MDGA2: variants seen among roughly 807,000 people sequenced by gnomAD.
MDGA2 encodes the protein MAM domain-containing glycosylphosphatidylinositol anchor protein 2.
MDGA2 carries 40 observed loss-of-function variants against 117.8 expected under a neutral mutation model. That is an observed-to-expected ratio of 0.34 (90% CI 0.26 to 0.44). The LOEUF (loss-of-function observed/expected upper bound fraction) is 0.44. Among genes scored for constraint, MDGA2 ranks in the 20% least tolerant of loss-of-function variants. The probability of loss-of-function intolerance (pLI) is 1.00; values close to 1 mark genes in which losing one functional copy is unlikely to be tolerated. For missense variants in MDGA2, 1,123 were observed against 1,250.6 expected, an observed-to-expected ratio of 0.90 and a Z score of 1.54; for synonymous variants, 452 against 439.0, an observed-to-expected ratio of 1.03 and a Z score of -0.37.
chr14:47,086,271 G>A (rs912083221), intron 6 of MDGA2, among the ~76,000 whole-genome samples: 2 of 151,808 alleles, frequency 1.3e-5, no homozygotes, highest in Non-Finnish European at 2.9e-5. Context: ...AAGAAGAAGA[G>A]AAGATTCTTT....
intron 15 of MDGA2, among the ~76,000 whole-genome samples, chr14:46,848,363 C>T (rs138163336): frequency 2.0e-5 from 3 of 151,996 alleles, no homozygotes; most frequent in Non-Finnish European, 4.4e-5. Flanking sequence ...CTTGTTACTT[C>T]CAGATGGGAG....
At chr14:47,168,956 T>C (rs1295579580) in intron 3 of MDGA2, among the ~76,000 whole-genome samples, 1 of 152,084 alleles carries the variant, frequency 6.6e-6, no homozygotes, top group Non-Finnish European at 1.5e-5. Context: ...AACATGAGAC[T>C]TTAAATAGTA....
chr14:47,627,561 G>A (rs1897170406), intron 1 of MDGA2, among the ~76,000 whole-genome samples: 1 of 152,172 alleles, frequency 6.6e-6, no homozygotes, highest in South Asian at 2.1e-4. Flanking sequence ...TTTGTGCCTA[G>A]CTCAGGGATT....
At chr14:47,110,869 T>A (rs1031716063) in intron 5 of MDGA2, among the ~76,000 whole-genome samples, 13 of 152,144 alleles carry the variant, frequency 8.5e-5, no homozygotes, top group Admixed American at 2.0e-4. Context: ...AGATTAAAAA[T>A]CACATCAGGG....
chr14:47,368,125 C>CA (rs1009579713), intron 1 of MDGA2, among the ~76,000 whole-genome samples: 14 of 151,228 alleles, frequency 9.3e-5, no homozygotes, highest in African/African-American at 3.2e-4. Context: ...ACTAAAAATA[C>CA]AAAAAAATTA....
intron 15 of MDGA2, among the ~76,000 whole-genome samples, chr14:46,849,709 A>C (rs1243369076): frequency 6.6e-6 from 1 of 151,968 alleles, no homozygotes; most frequent in African/African-American, 2.4e-5. Flanking sequence ...ACAACAAAAA[A>C]TCTTAATTAT....
chr14:47,440,351 G>T (rs758327528), intron 1 of MDGA2, among the ~76,000 whole-genome samples: 19 of 152,114 alleles, frequency 1.2e-4, no homozygotes, highest in Non-Finnish European at 2.4e-4. Flanking sequence ...CTATGTCCAT[G>T]GGACTTTGTT....
At chr14:47,304,995 C>G (rs1889397257) in intron 1 of MDGA2, among the ~76,000 whole-genome samples, 1 of 152,096 alleles carries the variant, frequency 6.6e-6, no homozygotes, top group Non-Finnish European at 1.5e-5. Context: ...TCCTTTCTCT[C>G]CACATTCAAA....
At chr14:46,894,661 T>C (rs775459910) in intron 10 of MDGA2, among the ~76,000 whole-genome samples, 1 of 152,170 alleles carries the variant, frequency 6.6e-6, no homozygotes, top group Non-Finnish European at 1.5e-5. Context: ...GTTACATAAA[T>C]CATTAAATGA....
At chr14:47,041,461 C>G (rs1313841309) in intron 7 of MDGA2, among the ~76,000 whole-genome samples, 1 of 151,946 alleles carries the variant, frequency 6.6e-6, no homozygotes. Context: ...AAAGTCACTC[C>G]TAATAAAAAT....
intron 1 of MDGA2, among the ~76,000 whole-genome samples, chr14:47,532,779 T>G (rs1180798716): frequency 6.6e-6 from 1 of 152,230 alleles, no homozygotes; most frequent in African/African-American, 2.4e-5. Flanking sequence ...AAGGGAATAA[T>G]TAGCTCAAGC....
chr14:46,978,571 G>C (rs577811790), intron 8 of MDGA2, among the ~76,000 whole-genome samples: 28 of 152,102 alleles, frequency 1.8e-4, no homozygotes, highest in African/African-American at 5.5e-4. Flanking sequence ...GAGAGAAGAA[G>C]CAATGCACTT....
chr14:47,390,237 C>A (rs756792720), intron 1 of MDGA2, among the ~76,000 whole-genome samples: 11 of 152,272 alleles, frequency 7.2e-5, no homozygotes, highest in Non-Finnish European at 1.2e-4. Context: ...TCACTTCTTC[C>A]TCTTCTCTTT....
intron 14 of MDGA2, among the ~76,000 whole-genome samples, chr14:46,860,798 T>G (rs1334638199): frequency 1.3e-5 from 2 of 152,012 alleles, no homozygotes; most frequent in African/African-American, 4.8e-5. Context: ...TCCACTGTTC[T>G]CTTATATTCT....
At chr14:47,206,258 G>T (rs893997958) in intron 3 of MDGA2, among the ~76,000 whole-genome samples, 2 of 151,994 alleles carry the variant, frequency 1.3e-5, no homozygotes, top group Non-Finnish European at 2.9e-5. Context: ...TAAGCAGTAA[G>T]TTATCATTGA....
intron 1 of MDGA2, among the ~76,000 whole-genome samples, chr14:47,554,042 T>C (rs1240285298): frequency 6.6e-6 from 1 of 152,214 alleles, no homozygotes; most frequent in Non-Finnish European, 1.5e-5. Flanking sequence ...TCCATTTTCT[T>C]TCAATGAATG....
intron 2 of MDGA2, among the ~76,000 whole-genome samples, chr14:47,268,723 T>C (rs1367718719): frequency 6.6e-6 from 1 of 152,190 alleles, no homozygotes; most frequent in Non-Finnish European, 1.5e-5. Context: ...TGCACAGTTA[T>C]GTCTACCCTG....
intron 1 of MDGA2, among the ~76,000 whole-genome samples, chr14:47,432,053 A>G (rs1209193541): frequency 6.6e-6 from 1 of 152,056 alleles, no homozygotes; most frequent in Non-Finnish European, 1.5e-5. Flanking sequence ...TAAATGACCA[A>G]CTCTTGAAAG....
At chr14:47,611,267 A>G (rs748306751) in intron 1 of MDGA2, among the ~76,000 whole-genome samples, 3 of 152,114 alleles carry the variant, frequency 2.0e-5, no homozygotes, top group Admixed American at 1.3e-4. Flanking sequence ...AGAAAATTAC[A>G]TTGGAAAAAC....
Sources: gnomAD v4.1 joint callset for allele counts (sites outside exome capture counted in the v4.1 genomes callset) on GRCh38, gnomAD v4.1.1 for gene constraint, MANE v1.5 for transcripts, NCBI Gene and HGNC (gene_info 2026-07-23, HGNC 2026-07-21) for gene names.